The following BBIP1 variants were observed in gnomAD, a reference collection of about 807,000 sequenced individuals.
The protein encoded by BBIP1 is BBSome interacting protein 1.
BBIP1 carries 6 observed loss-of-function variants against 8.9 expected under a neutral mutation model. That is an observed-to-expected ratio of 0.67 (90% confidence interval 0.37 to 1.33). The LOEUF (loss-of-function observed/expected upper bound fraction) is 1.33. BBIP1 is among the 40% of genes most tolerant of loss of function. The probability of loss-of-function intolerance (pLI) is 0.02; values close to 1 mark genes in which losing one functional copy is unlikely to be tolerated. For missense variants in BBIP1, 111 were observed against 109.2 expected (o/e 1.02, Z -0.07); for synonymous variants, 32 against 33.4 (o/e 0.96, Z 0.14).
At chr10:110,905,589 C>T (rs1269805310) in intron 2 of BBIP1, among the ~76,000 whole-genome samples, 5 of 151,604 alleles carry the variant, frequency 3.3e-5, no homozygotes, top group Non-Finnish European at 7.4e-5. Context: ...AAAAAAAATC[C>T]CTGGTGTGAT....
At chr10:110,918,381 A>G (rs898219092) in intron 1 of BBIP1, among the ~76,000 whole-genome samples, 168 bp from the exon 2 acceptor site, 3 of 152,060 alleles carry the variant, frequency 2.0e-5, no homozygotes, top group Admixed American at 6.5e-5. Context: ...GAAAGGGGGG[A>G]AAAATCAGAA....
At chr10:110,909,990 G>GT (rs1846237332) in intron 2 of BBIP1, among the ~76,000 whole-genome samples, 1 of 152,214 alleles carries the variant, frequency 6.6e-6, no homozygotes. Flanking sequence ...TGGAGGTGAG[G>GT]TAGGGAATGA....
chr10:110,918,365 G>A (rs1424364392), intron 1 of BBIP1, among the ~76,000 whole-genome samples, 152 bp from the exon 2 acceptor site: 2 of 152,204 alleles, frequency 1.3e-5, no homozygotes, highest in Admixed American at 6.5e-5. Context: ...TCAAAGGAGA[G>A]ACGCGGAAAG....
chr10:110,908,571 G>A (rs1482879705), intron 2 of BBIP1, among the ~76,000 whole-genome samples: 2 of 152,128 alleles, frequency 1.3e-5, no homozygotes, highest in Non-Finnish European at 2.9e-5. Flanking sequence ...GGGGGTGGAG[G>A]GAGAAGAAAC....
Position 110,900,306 on chromosome 10 carries a change from T to A in BBIP1, c.*54A>T, listed in dbSNP as rs1431784405. 6.9e-7 allele frequency: 1 copy of A among 1,443,920 alleles called. No homozygotes were observed. The highest frequency in any genetic ancestry group is 9.2e-7 in the Non-Finnish European group (1 of 1,086,800). 89.4% of individuals were successfully genotyped at this position (1,443,920 alleles called of 1,614,324 possible). ...CAGCACACAGAAGCATATTTTCTAG[T>A]TATTGTTAAATAGTAGATAAGGCAG... On this transcript the variant is annotated 3_prime_UTR_variant, in exon 4 of 4. Transcript: ENST00000448814.
At chr10:110,914,597 C>T (rs1846353453) in intron 2 of BBIP1, among the ~76,000 whole-genome samples, 1 of 152,176 alleles carries the variant, frequency 6.6e-6, no homozygotes, top group South Asian at 2.1e-4. Flanking sequence ...TGCCAAGTAA[C>T]ATATGACATC....
At chr10:110,915,851 G>T (rs965361236) in intron 2 of BBIP1, among the ~76,000 whole-genome samples, 1 of 152,132 alleles carries the variant, frequency 6.6e-6, no homozygotes, top group African/African-American at 2.4e-5. Flanking sequence ...CTACAGGTGT[G>T]CATGACCAAA....
At chr10:110,902,944 G>T (rs545731787) in intron 2 of BBIP1, 1 of 151,262 alleles carries the variant, frequency 6.6e-6, no homozygotes, top group African/African-American at 2.4e-5. Context: ...TCCAGGTTAG[G>T]ATGAAGGTTA....
chr10:110,914,801 A>G (rs1015114841), intron 2 of BBIP1, among the ~76,000 whole-genome samples: 1 of 152,228 alleles, frequency 6.6e-6, no homozygotes, highest in African/African-American at 2.4e-5. Flanking sequence ...GGATGATGCC[A>G]CTGGCTCTGG....
intron 2 of BBIP1, chr10:110,907,712 C>T (rs1322784787): frequency 2.9e-6 from 2 of 699,872 alleles, no homozygotes; most frequent in Non-Finnish European, 5.2e-6. Flanking sequence ...CGATTGTCTT[C>T]AGGCATCTTG....
intron 2 of BBIP1, chr10:110,912,204 A>C (rs1846296129): frequency 6.9e-6 from 1 of 144,272 alleles, no homozygotes; most frequent in African/African-American, 2.6e-5. Flanking sequence ...TTAGCATTCC[A>C]GTTGTCATGT....
At chr10:110,904,212 C>G (rs1846076196) in intron 2 of BBIP1, 1 of 152,146 alleles carries the variant, frequency 6.6e-6, no homozygotes, top group Non-Finnish European at 1.5e-5. Context: ...CATGTGTATT[C>G]TACAATTGCC....
chr10:110,919,263 A>G, upstream of BBIP1: 1 of 265,986 alleles, frequency 3.8e-6, no homozygotes. Flanking sequence ...TAGCTTCAAC[A>G]GTAACTTCCG....
intron 2 of BBIP1, chr10:110,904,399 T>C (rs1448243444): frequency 6.6e-6 from 1 of 151,940 alleles, no homozygotes; most frequent in Non-Finnish European, 1.5e-5. Context: ...GTAAAGGGGA[T>C]TAAGGAATGC....
chr10:110,898,829 A>G lies in BBIP1; in HGVS notation c.*1531T>C, dbSNP rs1845895182. 1 of 152,560 alleles carries G rather than the reference A, an allele frequency of 6.6e-6. No individual in the cohort carries two copies. The highest frequency in any genetic ancestry group is 6.5e-5 in the Admixed American group (1 of 15,274). 9.5% of individuals were successfully genotyped at this position (152,560 alleles called of 1,614,324 possible). On this transcript the variant is annotated 3_prime_UTR_variant, in exon 4 of 4. Transcript: ENST00000448814. ...TGAATCTCATAAGGAAGCATATTTG[A>G]ACCTAGTCAATTTAATCTTAGTGTT...
chr10:110,900,325 A>G lies in BBIP1; in HGVS notation c.*35T>C, dbSNP rs1026943829. 1 of 1,504,522 alleles carries G rather than the reference A, an allele frequency of 6.6e-7. No homozygotes were observed. The highest frequency in any genetic ancestry group is 8.9e-7 in the Non-Finnish European group (1 of 1,129,910). 93.2% of individuals were successfully genotyped at this position (1,504,522 alleles called of 1,614,324 possible). On this transcript the variant is annotated 3_prime_UTR_variant, in exon 4 of 4. Transcript: ENST00000448814. ...TTCTAGTTATTGTTAAATAGTAGAT[A>G]AGGCAGGTTGTTCCCTAAAGTGCTC...
Position 110,918,140 on chromosome 10 carries a change from T to C in BBIP1, c.18A>G (p.Ala6=), listed in dbSNP as rs1274749632. ...TTTTACCTGAAAGTTCTGGTCTTTT[T>C]GCTGCAGCTTTAAGCATCCAACCCG... The part of the protein sequence containing the change: MLKAA[A]KRPELSGKNT... Residue 6 remains alanine (A), a synonymous_variant, in exon 2 of 4, where the codon GCA becomes GCG. Coordinates refer to ENST00000448814, the MANE Select transcript of BBIP1 (RefSeq NM_001195305.3). 2 of 1,535,980 alleles carry C rather than the reference T, an allele frequency of 1.3e-6. No individual in the cohort carries two copies. The highest frequency in any genetic ancestry group is 2.7e-5 in the African/African-American group (2 of 73,064).
intron 2 of BBIP1, chr10:110,907,583 C>A: frequency 1.2e-5 from 6 of 484,108 alleles, no homozygotes; most frequent in South Asian, 3.7e-5. Flanking sequence ...TGAGATGAAG[C>A]ATGATGGTTT....
chr10:110,900,241 T>C lies in BBIP1; in HGVS notation c.*119A>G. The C allele has an allele frequency of 1.0e-6, 1 of 964,170 alleles. No homozygotes were observed. Among genetic ancestry groups the C allele is most frequent in the Non-Finnish European group, 1.5e-6 (1 of 687,104 alleles). 59.7% of individuals were successfully genotyped at this position (964,170 alleles called of 1,614,324 possible). A position where few individuals can be genotyped will look rare whatever the true frequency, so the allele number is the denominator to read the frequency against. On this transcript the variant is annotated 3_prime_UTR_variant, in exon 4 of 4. Transcript: ENST00000448814. ...TCAATCTTGGATATTTTTGTATTTC[T>C]ATGAATACTATCAATTTTATTGATA...
Sources: allele counts gnomAD v4.1 joint callset (sites outside exome capture counted in the v4.1 genomes callset), GRCh38; gene constraint gnomAD v4.1.1; transcripts MANE v1.5; gene names NCBI Gene and HGNC (gene_info 2026-07-23, HGNC 2026-07-21).